Variants in PRKD3 observed in about 807,000 individuals in gnomAD.
PRKD3 encodes the protein protein kinase D3, also known as serine/threonine-protein kinase D3.
PRKD3 carries 47 observed loss-of-function variants against 99.2 expected under a neutral mutation model. That is an observed-to-expected ratio of 0.47 (90% CI 0.38 to 0.60). The LOEUF is 0.60. PRKD3 is among the 20% of genes least tolerant of loss of function. The pLI is 0.00. For synonymous variants in PRKD3, 392 were observed against 355.4 expected (o/e 1.10, Z -1.16); for missense variants, 1,019 against 1,088.4 (o/e 0.94, Z 0.90).
At chr2:37,291,910 T>C (rs1356516133) in intron 3 of PRKD3, among the ~76,000 whole-genome samples, 4 of 152,202 alleles carry the variant, frequency 2.6e-5, no homozygotes, top group Admixed American at 2.0e-4. Flanking sequence ...ATGTGCATTA[T>C]TATGGCATTC....
chr2:37,278,661 G>C (rs1048589917), intron 8 of PRKD3: 1 of 152,022 alleles, frequency 6.6e-6, no homozygotes, highest in East Asian at 1.9e-4. Flanking sequence ...TAGGTTCACC[G>C]GGCGCAGTGG....
intron 7 of PRKD3, chr2:37,282,206 A>T (rs575756673): frequency 1.5e-5 from 3 of 203,714 alleles, no homozygotes; most frequent in Non-Finnish European, 3.0e-5. Flanking sequence ...TGCCTGGTAT[A>T]GCAAGCAGTT....
chr2:37,315,145 A>C (rs1198123551), intron 2 of PRKD3, among the ~76,000 whole-genome samples: 2 of 152,248 alleles, frequency 1.3e-5, no homozygotes, highest in Non-Finnish European at 2.9e-5. Context: ...TGTTTGAAAC[A>C]AATCTGAAAC....
At chr2:37,309,267 G>C (rs1671309712) in intron 2 of PRKD3, among the ~76,000 whole-genome samples, 1 of 151,984 alleles carries the variant, frequency 6.6e-6, no homozygotes, top group African/African-American at 2.4e-5. Context: ...ATGCACTCTT[G>C]GTTAGTTTTC....
intron 9 of PRKD3, among the ~76,000 whole-genome samples, chr2:37,276,820 ACATATATATT>A (rs1669595622): frequency 1.9e-5 from 2 of 107,818 alleles, no homozygotes; most frequent in South Asian, 3.0e-4. Context: ...ACATATATAT[ACATATATATT>A]CATATATATA....
At chr2:37,302,593 T>C (rs2124872754) in intron 2 of PRKD3, among the ~76,000 whole-genome samples, 1 of 152,372 alleles carries the variant, frequency 6.6e-6, no homozygotes, top group East Asian at 1.9e-4. Context: ...GTTAAAATGC[T>C]GTCAGTAAAA....
intron 2 of PRKD3, among the ~76,000 whole-genome samples, chr2:37,302,789 C>G (rs1670992401): frequency 6.6e-6 from 1 of 152,004 alleles, no homozygotes; most frequent in South Asian, 2.1e-4. Flanking sequence ...TGAACTCAAG[C>G]AATCATTCTG....
At chr2:37,304,242 C>G (rs890379769) in intron 2 of PRKD3, among the ~76,000 whole-genome samples, 1 of 145,562 alleles carries the variant, frequency 6.9e-6, no homozygotes, top group Non-Finnish European at 1.5e-5. Context: ...GAGCAACTAA[C>G]TTAGCACTAA....
intron 14 of PRKD3, 68 bp downstream of exon 14, chr2:37,267,362 A>AT: frequency 3.0e-5 from 32 of 1,063,816 alleles, no homozygotes; most frequent in Non-Finnish European, 4.0e-5. Flanking sequence ...AAAAAAAAAA[A>AT]GAGAAGCAGT....
intron 11 of PRKD3, among the ~76,000 whole-genome samples, chr2:37,273,124 T>C (rs1450044165): frequency 6.6e-6 from 1 of 152,176 alleles, no homozygotes; most frequent in Non-Finnish European, 1.5e-5. Context: ...CTAAATTGCT[T>C]GCATTTTTAT....
intron 13 of PRKD3, chr2:37,269,357 T>C (rs1669065587): frequency 2.2e-6 from 1 of 445,744 alleles, no homozygotes; most frequent in Non-Finnish European, 4.1e-6. Context: ...CCGACAAACA[T>C]CTGTATGTGT....
At chr2:37,296,846 G>C (rs1302854549) in intron 2 of PRKD3, among the ~76,000 whole-genome samples, 1 of 146,960 alleles carries the variant, frequency 6.8e-6, no homozygotes, top group African/African-American at 2.5e-5. Flanking sequence ...GTTGTAGTGA[G>C]CTGAGATGGC....
chr2:37,258,736 A>G (rs1021968111), intron 16 of PRKD3, among the ~76,000 whole-genome samples: 15 of 152,272 alleles, frequency 9.9e-5, no homozygotes, highest in African/African-American at 3.4e-4. Flanking sequence ...TATGATTACT[A>G]CTTTAAAAGC....
intron 1 of PRKD3, among the ~76,000 whole-genome samples, chr2:37,317,461 G>A (rs1297529187): frequency 1.5e-5 from 2 of 133,000 alleles, no homozygotes; most frequent in Non-Finnish European, 3.0e-5. Flanking sequence ...AATCAATGAA[G>A]ACCAAACACT....
chr2:37,322,346 TTACTTTAGATTAACA>T (rs372436589), intron 1 of PRKD3, among the ~76,000 whole-genome samples: 1,959 of 152,366 alleles, frequency 0.013, 16 homozygotes, highest in Non-Finnish European at 0.022. Context: ...AAAATACCTA[TTACTTTAGATTAACA>T]TACTTTTCCT....
intron 16 of PRKD3, among the ~76,000 whole-genome samples, chr2:37,257,390 G>T (rs543009288): frequency 8.5e-5 from 13 of 152,094 alleles, no homozygotes; most frequent in Non-Finnish European, 1.8e-4. Context: ...TATTAGCCAG[G>T]TGTGGTGGCT....
intron 17 of PRKD3, among the ~76,000 whole-genome samples, chr2:37,254,572 A>G (rs1014239737): frequency 1.3e-5 from 2 of 152,082 alleles, no homozygotes; most frequent in African/African-American, 4.8e-5. Context: ...TCTGCCACCT[A>G]CTAGCTGTGT....
Position 37,320,244 on chromosome 2 carries a change from C to T in PRKD3, c.-655-3065G>A, listed in dbSNP as rs1434820881. Among the ~76,000 whole-genome samples the T allele has an allele frequency of 2.0e-5, 3 of 152,136 alleles. No individual in the cohort carries two copies. In the East Asian group the frequency reaches 5.8e-4, roughly 29 times the overall value. ...ATGAGATTCAAACTAGTTTCCCTGA[C>T]TCCAAAGCCCAAGTTCTTTCTACCA... is the stretch of plus-strand genomic sequence containing the variant. On this transcript the variant is annotated intron_variant, in intron 1 of 18. Transcript: ENST00000234179.
At chr2:37,279,649 C>A in intron 8 of PRKD3, 97 bp downstream of exon 8, 1 of 814,472 alleles carries the variant, frequency 1.2e-6, no homozygotes. Context: ...TTTTAAATTA[C>A]TTTTAAGGTC....
Sources: allele counts gnomAD v4.1 joint callset (sites outside exome capture counted in the v4.1 genomes callset), GRCh38; gene constraint gnomAD v4.1.1; transcripts MANE v1.5; gene names NCBI Gene and HGNC (gene_info 2026-07-23, HGNC 2026-07-21).